Variants in ABCA2 observed in about 807,000 individuals in gnomAD.
ABCA2 encodes the protein ATP binding cassette subfamily A member 2.
ABCA2 carries 84 observed loss-of-function variants against 262.8 expected under a neutral mutation model. That is an observed-to-expected ratio of 0.32 (90% CI 0.27 to 0.38). ABCA2 has a LOEUF of 0.38. Among genes scored for constraint, ABCA2 ranks in the 10% least tolerant of loss-of-function variants. The probability of loss-of-function intolerance (pLI) is 1.00; values close to 1 mark genes in which losing one functional copy is unlikely to be tolerated. For synonymous variants in ABCA2, 1,696 were observed against 1,502.9 expected (o/e 1.13, Z -2.97); for missense variants, 2,662 against 3,405.9 (o/e 0.78, Z 5.44).
chr9:137,021,955 G>A lies in ABCA2; in HGVS notation c.614C>T (p.Ser205Phe), dbSNP rs1793732579. Residue 205 changes from serine (S) to phenylalanine (F), a missense_variant, in exon 7 of 49, where the codon TCT (serine) becomes TTT (phenylalanine). Ser to Phe is a radical substitution (Grantham distance 155). Coordinates refer to ENST00000341511, the MANE Select transcript of ABCA2 (RefSeq NM_001606.5). The surrounding 1 kb of genome is among the most constrained non-coding windows in gnomAD (Gnocchi z 6.0). The part of the protein sequence containing the change: ...FGPSSALDSQ[S>F]GLHKGQEPWS... ...GGGCTCCTGACCCTTGTGGAGGCCA[G>A]ACTGTGAATCCAGGGCAGATGAGGG... is the stretch of plus-strand genomic sequence containing the variant. 1 of 1,604,816 alleles carries A rather than the reference G, an allele frequency of 6.2e-7. No homozygotes were observed. Among genetic ancestry groups the A allele is most frequent in the Non-Finnish European group, 8.5e-7 (1 of 1,176,940 alleles).
Position 137,024,134 on chromosome 9 carries a change from C to T in ABCA2, c.160+9G>A, listed in dbSNP as rs111334624. Reference sequence around the variant, plus strand: ...CCCGGCTGTGCCTGGGGCCTCCTGCCGCACTCACCTTCCTTCACGGAGATG... The same window carrying T: ...CCCGGCTGTGCCTGGGGCCTCCTGCTGCACTCACCTTCCTTCACGGAGATG... On this transcript the variant is annotated intron_variant, in intron 2 of 48. Coordinates refer to ENST00000341511, the MANE Select transcript of ABCA2 (RefSeq NM_001606.5). 408 of 1,603,774 alleles carry T rather than the reference C, an allele frequency of 2.5e-4. 1 individual carries two copies. The highest frequency in any genetic ancestry group is 9.5e-4 in the African/African-American group (71 of 74,976).
At position 137,021,513 on chromosome 9, in the gene ABCA2, C is replaced by G. The variant is rs982369282; in HGVS notation, c.776G>C (p.Gly259Ala). The G allele has an allele frequency of 6.2e-7, 1 of 1,606,182 alleles. No individual in the cohort carries two copies. The highest frequency in any genetic ancestry group is 1.3e-5 in the African/African-American group (1 of 74,892). Residue 259 changes from glycine (G) to alanine (A), a missense_variant, in exon 8 of 49, where the codon GGA becomes GCA. Transcript: ENST00000341511. This position sits in a 1 kb window ranked among gnomAD's most constrained non-coding sequence, Gnocchi z 6.0. ...AGCATCCCGGTAGCCCTGCAGGGCT[C>G]CCTTCTGACTCTCAGGCACAGTGAG... ...RILTVPESQK[G>A]ALQGYRDAVC...
In ABCA2 at chr9:137,012,116, G is replaced by A; in HGVS notation, c.5346C>T (p.Leu1782=). Reference sequence around the variant, plus strand: ...GCCACACTTACAGGTAATCCAGGGAGAGGCTGGCGCTGGTCTTATTCATGG... The same window carrying A: ...GCCACACTTACAGGTAATCCAGGGAAAGGCTGGCGCTGGTCTTATTCATGG... ...NHPMNKTSAS[L]SLDYLLQGTD... is the part of the protein sequence containing the mutation. Residue 1782 remains leucine (L), a synonymous_variant, in exon 34 of 49, where the codon CTC becomes CTT. Transcript: ENST00000341511. 1 of 1,612,648 alleles carries A rather than the reference G, an allele frequency of 6.2e-7. No individual in the cohort carries two copies. Among genetic ancestry groups the A allele is most frequent in the Non-Finnish European group, 8.5e-7 (1 of 1,179,936 alleles).
At chr9:137,009,712 C>T (rs894755787) in intron 43 of ABCA2, 57 bp downstream of exon 43, 37 of 1,610,156 alleles carry the variant, frequency 2.3e-5, no homozygotes, top group Middle Eastern at 3.3e-4. Flanking sequence ...TGCCCCTGCC[C>T]GTGCTCACCA....
intron 6 of ABCA2, 86 bp from the exon 7 acceptor site, chr9:137,022,087 G>A: frequency 1.3e-6 from 1 of 758,754 alleles, no homozygotes; most frequent in Admixed American, 2.4e-5. Context: ...ACGTGTGGGG[G>A]CGTGGCTTAG....
In ABCA2 at chr9:137,008,602, C is replaced by T. The variant is rs1050800661; in HGVS notation, c.7089G>A (p.Lys2363=). 9 of 1,590,218 alleles carry T rather than the reference C, an allele frequency of 5.7e-6. No individual in the cohort carries two copies. Among genetic ancestry groups the T allele is most frequent in the African/African-American group, 1.4e-5 (1 of 73,474 alleles). ...GCTGCTCCAGGTTGTCACTCTGCTT[C>T]TTGGCAAAGTTCACGAACACCTGGT... The part of the protein sequence containing the change: ...TLDNVFVNFA[K]KQSDNLEQQE... The change falls in exon 48 of 49, where the codon AAG becomes AAA. Residue 2363 remains lysine, a synonymous_variant. Coordinates refer to ENST00000341511, the MANE Select transcript of ABCA2 (RefSeq NM_001606.5).
intron 29 of ABCA2, 24 bp downstream of exon 29, chr9:137,013,422 CGCCCCACCCACCAAG>C: frequency 6.6e-7 from 1 of 1,522,796 alleles, no homozygotes; most frequent in Non-Finnish European, 8.9e-7. Flanking sequence ...CCCCTTCACT[CGCCCCACCCACCAAG>C]GCTGCCCCCG....
rs1166354240 is a variant in ABCA2, at chr9:137,022,791, A to G, written c.350T>C (p.Leu117Pro). 1.3e-6 allele frequency: 2 copies of G among 1,597,804 alleles called. No individual in the cohort carries two copies. Among genetic ancestry groups the G allele is most frequent in the Non-Finnish European group, 1.7e-6 (2 of 1,173,778 alleles). The change falls in exon 5 of 49, where the codon CTG (leucine) becomes CCG (proline). Residue 117 changes from leucine (L) to proline (P), a missense_variant. Leu to Pro is a moderately conservative substitution (Grantham distance 98, BLOSUM62 -3). Transcript: ENST00000341511. ...GCGTAGGGCCTCGAGCTCTGAGCCC[A>G]GGCTGGGCCGCGCTGGGTCAAACAG... is the stretch of plus-strand genomic sequence containing the variant. ...GNLFDPARPS[L>P]GSELEALRQH... is the part of the protein sequence containing the mutation.
In ABCA2 at chr9:137,017,190, C is replaced by T. The variant is rs1395937157; in HGVS notation, c.2553+6G>A. 2.5e-6 allele frequency: 4 copies of T among 1,612,174 alleles called. No individual in the cohort carries two copies. The highest frequency in any genetic ancestry group is 3.4e-6 in the Non-Finnish European group (4 of 1,179,696). Reference sequence around the variant, plus strand: ...CCCCAGCCGCCCGCCTGCCCGCGACCCTCACCGCGATGCACTTCTCGAAGG... The same window carrying T: ...CCCCAGCCGCCCGCCTGCCCGCGACTCTCACCGCGATGCACTTCTCGAAGG... On this transcript the variant is annotated splice_donor_region_variant and intron_variant, in intron 18 of 48. Transcript: ENST00000341511.
rs377547438 is a variant in ABCA2 at position 137,013,177 on chromosome 9, C to T, written c.4692G>A (p.Ser1564=). The T allele has an allele frequency of 1.0e-3, 1,631 of 1,600,246 alleles. 30 individuals carry two copies. In the South Asian group the frequency reaches 0.017, roughly 17 times the overall value. ...GPTLNLSSGE[S]RLLAARFFDS... is the part of the protein sequence containing the mutation. ...CGAAGAACCGAGCCGCCAGCAGGCGCGACTCCCCGCTGCTCAGGTTCAACG... is the reference window on the plus strand; with the variant it reads ...CGAAGAACCGAGCCGCCAGCAGGCGTGACTCCCCGCTGCTCAGGTTCAACG... The change falls in exon 30 of 49, where the codon TCG becomes TCA. Residue 1564 remains serine (S), a synonymous_variant. Transcript: ENST00000341511.
At position 137,011,169 on chromosome 9, in the gene ABCA2, C is replaced by T; in HGVS notation, c.5923+17G>A. 1 of 1,612,430 alleles carries T rather than the reference C, an allele frequency of 6.2e-7. No individual in the cohort carries two copies. Among genetic ancestry groups the T allele is most frequent in the Middle Eastern group, 1.7e-4 (1 of 6,058 alleles). ...GCGGGGCCCCCACCGCCTTCCCCGC[C>T]CCACGGGCCCCCTCACCAATCTTGG... On this transcript the variant is annotated intron_variant, in intron 38 of 48. Transcript: ENST00000341511. This position sits in a 1 kb window ranked among gnomAD's most constrained non-coding sequence, Gnocchi z 8.8.
chr9:137,022,806 G>T lies in ABCA2; in HGVS notation c.335C>A (p.Pro112Gln). The change falls in exon 5 of 49, where the codon CCA becomes CAA. Residue 112 changes from proline (P) to glutamine (Q), a missense_variant. Pro to Gln is a moderately conservative substitution (Grantham distance 76). Around this residue, in one of 12 missense-constraint regions of ABCA2, gnomAD observed 101 missense variants for 152.3 expected, o/e 0.66. Transcript: ENST00000341511. ...RVVEEGNLFD[P>Q]ARPSLGSELE... ...CTCTGAGCCCAGGCTGGGCCGCGCT[G>T]GGTCAAACAGGTTGCCTTCCTCCAC... The T allele has an allele frequency of 6.3e-7, 1 of 1,592,578 alleles. No individual in the cohort carries two copies.
At chr9:137,009,938 G>A in intron 42 of ABCA2, 35 bp from the exon 43 acceptor site, 3 of 1,598,148 alleles carry the variant, frequency 1.9e-6, no homozygotes, top group South Asian at 2.2e-5. Flanking sequence ...TGGAGGCAGG[G>A]CCACCCAGCG....
chr9:137,028,916 C>T (rs780705562), upstream of ABCA2: 7 of 1,288,328 alleles, frequency 5.4e-6, no homozygotes, highest in East Asian at 1.9e-4. This position sits in a 1 kb window ranked among gnomAD's most constrained non-coding sequence, Gnocchi z 6.9. Flanking sequence ...CGGGATCAGG[C>T]GGTTCTGCGG....
chr9:137,010,051 G>T lies in ABCA2; in HGVS notation c.6427C>A (p.Leu2143Ile). Residue 2143 changes from leucine to isoleucine, a missense_variant, in exon 42 of 49, where the codon CTC becomes ATC. Transcript: ENST00000341511. The part of the protein sequence containing the change: ...CPQCDALFDE[L>I]TAREHLQLYT... ...AGCTGCAGGTGCTCCCGGGCCGTGA[G>T]CTCGTCGAACAGCGCGTCACACTGC... 1 of 1,601,962 alleles carries T rather than the reference G, an allele frequency of 6.2e-7. No homozygotes were observed.
At position 137,014,588 on chromosome 9, in the gene ABCA2, G is replaced by A. The variant is rs1315396195; in HGVS notation, c.4003+102C>T. 6.0e-6 allele frequency: 9 copies of A among 1,509,604 alleles called. No homozygotes were observed. In the Admixed American group the frequency reaches 1.9e-4, roughly 31 times the overall value. 93.5% of individuals were successfully genotyped at this position (1,509,604 alleles called of 1,614,324 possible). On this transcript the variant is annotated intron_variant, in intron 26 of 48. Coordinates refer to ENST00000341511, the MANE Select transcript of ABCA2 (RefSeq NM_001606.5). ...GGGGCGTCCCCTGGCTTCCACCCAGGACCAGGGTGGCGCCCCCAGACACCA... is the reference window on the plus strand; with the variant it reads ...GGGGCGTCCCCTGGCTTCCACCCAGAACCAGGGTGGCGCCCCCAGACACCA...
chr9:137,024,266 G>T, intron 1 of ABCA2, 30 bp from the exon 2 acceptor site: 1 of 1,570,650 alleles, frequency 6.4e-7, no homozygotes, highest in South Asian at 1.1e-5. Flanking sequence ...TGAGGGATAG[G>T]ACAGACCTGT....
At chr9:137,023,562 G>A in intron 3 of ABCA2, 1 of 746,274 alleles carries the variant, frequency 1.3e-6, no homozygotes, top group South Asian at 1.4e-5. Flanking sequence ...CAGAAGCCGA[G>A]GCACCCCAGC....
intron 27 of ABCA2, 47 bp downstream of exon 27, chr9:137,014,121 C>A (rs367602400): frequency 1.3e-6 from 2 of 1,592,468 alleles, no homozygotes; most frequent in Non-Finnish European, 1.7e-6. Flanking sequence ...CCCCCGCAAC[C>A]CTGCTCCCCC....
Sources: gnomAD v4.1 joint callset for allele counts on GRCh38, gnomAD v4.1.1 for gene constraint, gnomAD v4.1.1 regional missense constraint, Gnocchi (gnomAD v3.1) non-coding constraint, MANE v1.5 for transcripts, NCBI Gene and HGNC (gene_info 2026-07-23, HGNC 2026-07-21) for gene names.